Variants in ARG2 observed in about 807,000 individuals in gnomAD.
ARG2 encodes the protein arginase 2.
Under a neutral mutation model 39.4 loss-of-function variants are expected in ARG2, and 21 were observed. The observed-to-expected ratio is 0.53, with a 90% CI of 0.38 to 0.77. The LOEUF is 0.77. Among genes scored for constraint, ARG2 ranks in the 30% least tolerant of loss-of-function variants. The pLI is 0.00. For missense variants in ARG2, 378 were observed against 426.2 expected, an observed-to-expected ratio of 0.89 and a Z score of 1.00; for synonymous variants, 150 against 156.7, an observed-to-expected ratio of 0.96 and a Z score of 0.32.
In ARG2 at chr14:67,636,261, C is replaced by CA. The variant is rs77716844; in HGVS notation, c.185-5914dup. 2.7e-3 allele frequency among the ~76,000 whole-genome samples: 389 copies of CA among 142,596 alleles called. 1 individual carries two copies. The highest frequency in any genetic ancestry group is 4.2e-3 in the African/African-American group (164 of 39,210). 93.5% of individuals were successfully genotyped at this position (142,596 alleles called of 152,430 possible). On this transcript the variant is annotated intron_variant, in intron 2 of 7. Transcript: ENST00000261783. ...GGAGAATGGGATAGTCTTATGCTGT[C>CA]AAAAAAAAAAACCCAAAAAACAAAA... is the stretch of plus-strand genomic sequence containing the variant.
At chr14:67,625,812 G>A (rs890924832) in intron 2 of ARG2, among the ~76,000 whole-genome samples, 1 of 146,314 alleles carries the variant, frequency 6.8e-6, no homozygotes, top group Non-Finnish European at 1.5e-5. Flanking sequence ...TACCTGATAA[G>A]ATTCTAGTGT....
chr14:67,648,218 C>T (rs763987669), intron 7 of ARG2, 35 bp downstream of exon 7: 28 of 1,596,210 alleles, frequency 1.8e-5, no homozygotes, highest in Non-Finnish European at 2.4e-5. Context: ...CTGTTAACTA[C>T]ATAGGTAAAT....
rs2037178113 is a variant in ARG2, at chr14:67,651,580, G to A, written c.*660G>A. On this transcript the variant is annotated 3_prime_UTR_variant, in exon 8 of 8. Transcript: ENST00000261783. ...CTGGGACCACGGCTGGATACTCTGA[G>A]GCTGTATGTTTGATCACACAGCCAC... 7.3e-7 allele frequency: 1 copy of A among 1,365,572 alleles called. No homozygotes were observed. Among genetic ancestry groups the A allele is most frequent in the Admixed American group, 2.3e-5 (1 of 43,098 alleles). 84.6% of individuals were successfully genotyped at this position (1,365,572 alleles called of 1,614,324 possible).
At chr14:67,631,218 C>T (rs2036914887) in intron 2 of ARG2, among the ~76,000 whole-genome samples, 1 of 152,182 alleles carries the variant, frequency 6.6e-6, no homozygotes, top group Admixed American at 6.5e-5. Flanking sequence ...TCTCATTGCC[C>T]TTTCACATTT....
At position 67,620,350 on chromosome 14, in the gene ARG2, C is replaced by G. The variant is rs74246587; in HGVS notation, c.111+262C>G. 4.9e-3 allele frequency among the ~76,000 whole-genome samples: 744 copies of G among 151,874 alleles called. 35 individuals carry two copies. In the East Asian group the frequency reaches 0.084, roughly 17 times the overall value. On this transcript the variant is annotated intron_variant, in intron 1 of 7. Transcript: ENST00000261783. ...GTTTCTGCGGCCTCCCCAGAAAGAC[C>G]GAGAAAACGGTGGATGCAGCTTGGG...
intron 2 of ARG2, among the ~76,000 whole-genome samples, chr14:67,631,586 C>A (rs2036919840): frequency 2.0e-5 from 3 of 151,990 alleles, no homozygotes; most frequent in South Asian, 4.2e-4. Context: ...CAGGGACATG[C>A]CACCACACCA....
rs775712860 is a variant in ARG2 at position 67,650,867 on chromosome 14, C to A, written c.1012C>A (p.Pro338Thr). ...AGGGCATATTGTCTATGACCAACTT[C>A]CTACTCCCAGTTCACCAGATGAATC... ...EGGHIVYDQL[P>T]TPSSPDESEN... Residue 338 changes from proline to threonine, a missense_variant, in exon 8 of 8, where the codon CCT (proline) becomes ACT (threonine). Pro to Thr is a conservative substitution (Grantham distance 38, BLOSUM62 -1). Coordinates refer to ENST00000261783, the MANE Select transcript of ARG2 (RefSeq NM_001172.4). 16 of 1,614,094 alleles carry A rather than the reference C, an allele frequency of 9.9e-6. No homozygotes were observed. Among genetic ancestry groups the A allele is most frequent in the Non-Finnish European group, 1.2e-5 (14 of 1,180,030 alleles).
rs1297073633 is a variant in ARG2, at chr14:67,651,590, T to TTGATCACACAGCCACTTAGCA, written c.*671_*691dup. The TTGATCACACAGCCACTTAGCA allele has an allele frequency of 8.8e-6, 11 of 1,244,740 alleles. No individual in the cohort carries two copies. The highest frequency in any genetic ancestry group is 1.1e-5 in the Non-Finnish European group (10 of 908,392). The allele number at this position is 1,244,740 out of a possible 1,614,324, so 77.1% of individuals were successfully genotyped here. A position where few individuals can be genotyped will look rare whatever the true frequency, so the allele number is the denominator to read the frequency against. ...GGCTGGATACTCTGAGGCTGTATGTTTGATCACACAGCCACTTAGCAGGAA... is the reference window on the plus strand; with the variant it reads ...GGCTGGATACTCTGAGGCTGTATGTTTGATCACACAGCCACTTAGCATGATCACACAGCCACTTAGCAGGAA... On this transcript the variant is annotated 3_prime_UTR_variant, in exon 8 of 8. Coordinates refer to ENST00000261783, the MANE Select transcript of ARG2 (RefSeq NM_001172.4).
intron 2 of ARG2, among the ~76,000 whole-genome samples, chr14:67,636,121 T>C (rs2036969344): frequency 6.6e-6 from 1 of 152,142 alleles, no homozygotes; most frequent in Admixed American, 6.5e-5. Context: ...ATGTCTGTTA[T>C]TCTACCAATG....
At chr14:67,640,169 T>C (rs2037015679) in intron 2 of ARG2, among the ~76,000 whole-genome samples, 1 of 152,160 alleles carries the variant, frequency 6.6e-6, no homozygotes. Flanking sequence ...TTTATCTTGG[T>C]TCACAATGTC....
At chr14:67,645,904 AT>A in intron 4 of ARG2, 102 bp downstream of exon 4, 1 of 1,315,238 alleles carries the variant, frequency 7.6e-7, no homozygotes, top group Non-Finnish European at 1.1e-6. Flanking sequence ...TTGAGTGTGG[AT>A]TACCACTCCT....
intron 2 of ARG2, among the ~76,000 whole-genome samples, chr14:67,639,094 G>A (rs991727219): frequency 3.3e-5 from 5 of 152,170 alleles, no homozygotes; most frequent in Admixed American, 1.3e-4. Flanking sequence ...CTGAATTAGC[G>A]ACTGAAATCC....
At position 67,630,949 on chromosome 14, in the gene ARG2, C is replaced by T. The variant is rs536620892; in HGVS notation, c.184+9983C>T. ...CTCCCAGCTAAAAACCTTTTCTTTC[C>T]GGAAAAAGGGAAGAATGAATGTTGG... On this transcript the variant is annotated intron_variant, in intron 2 of 7. Coordinates refer to ENST00000261783, the MANE Select transcript of ARG2 (RefSeq NM_001172.4). 3.3e-5 allele frequency among the ~76,000 whole-genome samples: 5 copies of T among 152,214 alleles called. No individual in the cohort carries two copies. The South Asian group carries it at 8.3e-4, about 25-fold the overall frequency.
At chr14:67,639,314 A>G (rs1443769635) in intron 2 of ARG2, among the ~76,000 whole-genome samples, 1 of 152,156 alleles carries the variant, frequency 6.6e-6, no homozygotes, top group Non-Finnish European at 1.5e-5. Context: ...GAGCACTTTA[A>G]TTTCCCTGTA....
intron 2 of ARG2, among the ~76,000 whole-genome samples, chr14:67,625,976 G>A (rs1410668751): frequency 3.9e-5 from 6 of 152,014 alleles, no homozygotes; most frequent in Non-Finnish European, 7.4e-5. Context: ...TACAATGGCC[G>A]GGTGTGGCGG....
intron 3 of ARG2, among the ~76,000 whole-genome samples, chr14:67,645,035 A>G (rs991121826): frequency 9.2e-5 from 14 of 152,132 alleles, no homozygotes; most frequent in Middle Eastern, 3.4e-3. Flanking sequence ...ATGCTAATAT[A>G]TATAAGGTAA....
chr14:67,648,893 G>A (rs1035020169), intron 7 of ARG2: 1 of 152,214 alleles, frequency 6.6e-6, no homozygotes, highest in Non-Finnish European at 1.5e-5. Flanking sequence ...GATGGAACTA[G>A]GGTATAGATA....
chr14:67,622,436 A>T (rs6573787), intron 2 of ARG2, among the ~76,000 whole-genome samples: 50,103 of 151,990 alleles, frequency 0.33, 8,885 homozygotes, highest in African/African-American at 0.46. Flanking sequence ...ATATGGTGAC[A>T]TGGATTCAAT....
At chr14:67,648,215 C>A (rs1406606687) in intron 7 of ARG2, 32 bp downstream of exon 7, 2 of 1,599,040 alleles carry the variant, frequency 1.3e-6, no homozygotes, top group African/African-American at 2.7e-5. Flanking sequence ...AGCCTGTTAA[C>A]TACATAGGTA....
Sources: gnomAD v4.1 joint callset for allele counts (sites outside exome capture counted in the v4.1 genomes callset) on GRCh38, gnomAD v4.1.1 for gene constraint, MANE v1.5 for transcripts, NCBI Gene and HGNC (gene_info 2026-07-23, HGNC 2026-07-21) for gene names.